Variants in ASPH observed in about 807,000 individuals in gnomAD.
ASPH encodes the protein aspartyl/asparaginyl beta-hydroxylase.
Under a neutral mutation model 118.4 loss-of-function variants are expected in ASPH, and 100 were observed. That is an observed-to-expected ratio of 0.84 (90% CI 0.72 to 1.00). The LOEUF (loss-of-function observed/expected upper bound fraction) is 1.00, where lower values mean the gene tolerates loss of function less well. ASPH is among the 50% of genes least tolerant of loss of function. The pLI, the probability that ASPH is intolerant of heterozygous loss-of-function variation, is 0.00. For synonymous variants in ASPH, 315 were observed against 325.6 expected, an observed-to-expected ratio of 0.97 and a Z score of 0.35; for missense variants, 920 against 919.5, an observed-to-expected ratio of 1.00 and a Z score of -0.01.
At chr8:61,546,023 A>T (rs911121402) in intron 21 of ASPH, among the ~76,000 whole-genome samples, 1 of 152,170 alleles carries the variant, frequency 6.6e-6, no homozygotes, top group Non-Finnish European at 1.5e-5. Context: ...TGTAACTGTG[A>T]GTGCCCATGA....
chr8:61,570,781 T>C (rs1012986986), intron 16 of ASPH, among the ~76,000 whole-genome samples: 3 of 152,216 alleles, frequency 2.0e-5, no homozygotes, highest in Non-Finnish European at 4.4e-5. Context: ...AAGCCTTTTG[T>C]TGACTCTAAC....
chr8:61,635,821 C>T (rs1857466476), intron 12 of ASPH, among the ~76,000 whole-genome samples: 1 of 152,164 alleles, frequency 6.6e-6, no homozygotes, highest in Non-Finnish European at 1.5e-5. Context: ...ACCACAATCA[C>T]TTCCTTGGAT....
intron 12 of ASPH, among the ~76,000 whole-genome samples, chr8:61,637,310 C>A (rs977964394): frequency 6.6e-6 from 1 of 152,076 alleles, no homozygotes; most frequent in Non-Finnish European, 1.5e-5. Context: ...AGTCACCTGA[C>A]CTCACTCCAG....
At chr8:61,525,833 G>T in intron 22 of ASPH, 144 bp downstream of exon 22, 1 of 1,133,836 alleles carries the variant, frequency 8.8e-7, no homozygotes, top group Non-Finnish European at 1.3e-6. Flanking sequence ...ACAATGAATG[G>T]ATTTCAAAAA....
chr8:61,634,877 T>C (rs569821069), intron 12 of ASPH, among the ~76,000 whole-genome samples: 1 of 152,302 alleles, frequency 6.6e-6, no homozygotes, highest in African/African-American at 2.4e-5. Context: ...CTTATTATTA[T>C]TGCAAGTTAA....
At chr8:61,692,922 C>T (rs2151803163) in intron 1 of ASPH, among the ~76,000 whole-genome samples, 1 of 148,462 alleles carries the variant, frequency 6.7e-6, no homozygotes, top group East Asian at 2.0e-4. Flanking sequence ...AATTTCCAGA[C>T]CATCATTTCC....
At chr8:61,684,322 C>G in intron 1 of ASPH, 134 bp from the exon 2 acceptor site, 1 of 929,176 alleles carries the variant, frequency 1.1e-6, no homozygotes, top group Non-Finnish European at 1.5e-6. Context: ...CAGTTAAATT[C>G]TCAAAACACG....
chr8:61,624,714 C>T, intron 13 of ASPH: 2 of 985,678 alleles, frequency 2.0e-6, no homozygotes, highest in Non-Finnish European at 2.4e-6. Context: ...TCCTCAACGT[C>T]CAGAGTTCTA....
At chr8:61,552,046 T>G (rs2131071481) in intron 20 of ASPH, among the ~76,000 whole-genome samples, 1 of 152,354 alleles carries the variant, frequency 6.6e-6, no homozygotes, top group Non-Finnish European at 1.5e-5. Context: ...TTCACTTCTC[T>G]GAACCCTCAA....
intron 1 of ASPH, among the ~76,000 whole-genome samples, chr8:61,713,862 G>A (rs1244227987): frequency 6.6e-6 from 1 of 152,142 alleles, no homozygotes; most frequent in Non-Finnish European, 1.5e-5. Context: ...CTGCTGGTTA[G>A]GCAGGAACTC....
intron 16 of ASPH, among the ~76,000 whole-genome samples, chr8:61,574,908 G>A (rs4237045): frequency 0.9 from 136,484 of 152,202 alleles, 61,271 homozygotes; most frequent in Middle Eastern, 0.93. Context: ...TTCTCAGCAC[G>A]TGTAGAATAA....
intron 17 of ASPH, among the ~76,000 whole-genome samples, chr8:61,564,297 CTTTT>C (rs1176381658): frequency 2.8e-4 from 37 of 134,008 alleles, no homozygotes; most frequent in African/African-American, 9.1e-4. Context: ...AATGCTGATT[CTTTT>C]TTTTTTTTTT....
intron 21 of ASPH, among the ~76,000 whole-genome samples, chr8:61,538,217 T>A (rs1820394910): frequency 6.6e-6 from 1 of 152,222 alleles, no homozygotes; most frequent in Non-Finnish European, 1.5e-5. Context: ...ACAAATCTGT[T>A]TCTAATTATG....
intron 14 of ASPH, among the ~76,000 whole-genome samples, chr8:61,591,572 C>T (rs1406119447): frequency 2.6e-5 from 4 of 152,128 alleles, no homozygotes; most frequent in African/African-American, 7.2e-5. Context: ...TGCAAGGTCT[C>T]GCTAATTTTA....
intron 10 of ASPH, 31 bp from the exon 11 acceptor site, chr8:61,638,394 G>T (rs1286250292): frequency 1.4e-5 from 22 of 1,522,168 alleles, no homozygotes; most frequent in Non-Finnish European, 2.0e-5. Context: ...ACAAAATCCC[G>T]TAACTTTCAT....
rs143442630 is a variant in ASPH at position 61,567,256 on chromosome 8, G to A, written c.1212C>T (p.Thr404=). The A allele has an allele frequency of 6.2e-7, 1 of 1,614,110 alleles. No homozygotes were observed. The highest frequency in any genetic ancestry group is 8.5e-7 in the Non-Finnish European group (1 of 1,180,018). The change falls in exon 17 of 25, where the codon ACC becomes ACT. Residue 404 remains threonine (T), a synonymous_variant. Transcript: ENST00000379454. The part of the protein sequence containing the change: ...SNEVLRGAIE[T]YQEVASLPDV... ...CAGGTAGGCTGGCCACCTCTTGGTA[G>A]GTCTCGATGGCTCCACGTAGCACCT...
chr8:61,698,718 G>T (rs1215915181), intron 1 of ASPH, among the ~76,000 whole-genome samples: 1 of 152,142 alleles, frequency 6.6e-6, no homozygotes, highest in Admixed American at 6.5e-5. Context: ...TTAGCCGCCA[G>T]TCAATTATTA....
intron 21 of ASPH, 120 bp from the exon 22 acceptor site, chr8:61,526,232 T>C: frequency 3.1e-6 from 4 of 1,309,276 alleles, no homozygotes; most frequent in South Asian, 3.0e-5. Flanking sequence ...CTTATCTAGA[T>C]TGCTTATATT....
rs894562299 is a variant in ASPH, at chr8:61,586,438, G to T, written c.977-2409C>A. The stretch of plus-strand genomic sequence containing the variant: ...TCATATTGACTTTATTGCAGAGAAT[G>T]ACACCCAATTGTCCAAATCAGAAAC... On this transcript the variant is annotated intron_variant, in intron 14 of 24. Coordinates refer to ENST00000379454, the MANE Select transcript of ASPH (RefSeq NM_004318.4). 3.9e-5 allele frequency among the ~76,000 whole-genome samples: 6 copies of T among 152,204 alleles called. No individual in the cohort carries two copies. The East Asian group carries it at 9.6e-4, about 24-fold the overall frequency.
Sources: allele counts gnomAD v4.1 joint callset (sites outside exome capture counted in the v4.1 genomes callset), GRCh38; gene constraint gnomAD v4.1.1; transcripts MANE v1.5; gene names NCBI Gene and HGNC (gene_info 2026-07-23, HGNC 2026-07-21).